The following ADD3 variants were observed in gnomAD, a reference collection of about 807,000 sequenced individuals.
The protein encoded by ADD3 is adducin 3.
ADD3 carries 25 observed loss-of-function variants against 80.2 expected under a neutral mutation model. That is an observed-to-expected ratio of 0.31 (90% CI 0.23 to 0.44). ADD3 has a LOEUF of 0.44. Ranked by LOEUF, ADD3 falls within the 20% of genes least tolerant of loss-of-function variation. The probability of loss-of-function intolerance (pLI) is 1.00; values close to 1 mark genes in which losing one functional copy is unlikely to be tolerated. For missense variants in ADD3, 829 were observed against 847.5 expected (o/e 0.98, Z 0.27); for synonymous variants, 284 against 289.6 (o/e 0.98, Z 0.20).
rs1590158536 is a variant in ADD3, at chr10:110,108,924, G to A, written c.196-3853G>A. 5.3e-5 allele frequency among the ~76,000 whole-genome samples: 8 copies of A among 152,210 alleles called. 2 individuals carry two copies. The highest frequency in any genetic ancestry group is 5.2e-4 in the Admixed American group (8 of 15,290). ...GTAGAAGCTATTCGTCAGCTTTAAA[G>A]GAGACATTCGTATTTTCCCTCTTAC... On this transcript the variant is annotated intron_variant, in intron 2 of 14. Coordinates refer to ENST00000356080, the MANE Select transcript of ADD3 (RefSeq NM_016824.5).
intron 1 of ADD3, among the ~76,000 whole-genome samples, chr10:110,066,215 T>C (rs1332503185): frequency 6.6e-6 from 1 of 152,164 alleles, no homozygotes; most frequent in African/African-American, 2.4e-5. Context: ...TTCAGCGTTC[T>C]GGAAAAGACA....
intron 1 of ADD3, among the ~76,000 whole-genome samples, chr10:110,062,108 A>G (rs1178808587): frequency 6.9e-6 from 1 of 144,444 alleles, no homozygotes; most frequent in Admixed American, 7.4e-5. Flanking sequence ...CACGCCTGTA[A>G]TCCCAGCACT....
chr10:110,113,609 G>A (rs1383529826), intron 3 of ADD3, among the ~76,000 whole-genome samples: 1 of 152,186 alleles, frequency 6.6e-6, no homozygotes, highest in Non-Finnish European at 1.5e-5. Flanking sequence ...TGATTTTAAT[G>A]TGGCTGGATA....
chr10:110,079,478 G>T (rs1342087438), intron 1 of ADD3, among the ~76,000 whole-genome samples: 1 of 150,762 alleles, frequency 6.6e-6, no homozygotes, highest in Non-Finnish European at 1.5e-5. Context: ...GTGTGTGTGT[G>T]TGTGTGTGTG....
In ADD3 at chr10:110,068,294, C is replaced by G. The variant is rs915230735; in HGVS notation, c.-29-32331C>G. 8.0e-4 allele frequency among the ~76,000 whole-genome samples: 122 copies of G among 152,298 alleles called. 1 individual carries two copies. Among genetic ancestry groups the G allele is most frequent in the Admixed American group, 7.7e-3 (118 of 15,298 alleles). On this transcript the variant is annotated intron_variant, in intron 1 of 14. Transcript: ENST00000356080. ...TGTCATGAGCTTTTCCACCTCCCCC[C>G]CTCCTTTCTCTGAATCTTCTGAGGA...
chr10:110,025,709 A>G (rs144076257), intron 1 of ADD3, among the ~76,000 whole-genome samples: 43 of 152,280 alleles, frequency 2.8e-4, no homozygotes, highest in African/African-American at 9.9e-4. Flanking sequence ...TGGCAGATCT[A>G]GACTCAAAAC....
At chr10:110,022,404 G>A (rs535374616) in intron 1 of ADD3, among the ~76,000 whole-genome samples, 3 of 151,896 alleles carry the variant, frequency 2.0e-5, no homozygotes, top group Admixed American at 6.5e-5. Context: ...GATGATACTG[G>A]GTTGGCTAAA....
At chr10:110,123,756 T>G in intron 9 of ADD3, 1 of 428,922 alleles carries the variant, frequency 2.3e-6, no homozygotes, top group East Asian at 4.2e-5. Context: ...GGTCAGCAAC[T>G]TAGAACTGTT....
chr10:110,022,329 A>G (rs74154962), intron 1 of ADD3, among the ~76,000 whole-genome samples: 1,609 of 152,230 alleles, frequency 0.011, 32 homozygotes, highest in African/African-American at 0.037. Flanking sequence ...CCAATTCCCA[A>G]TAATTTTTTT....
intron 1 of ADD3, among the ~76,000 whole-genome samples, chr10:110,054,789 T>C (rs35607979): frequency 0.17 from 26,412 of 151,856 alleles, 3,216 homozygotes; most frequent in Admixed American, 0.39. Flanking sequence ...AATTTTTTTG[T>C]ATTTTTAGTA....
intron 1 of ADD3, among the ~76,000 whole-genome samples, chr10:110,041,773 A>G (rs1044154469): frequency 1.3e-5 from 2 of 152,338 alleles, no homozygotes; most frequent in South Asian, 2.1e-4. Context: ...TGAATCAACA[A>G]GAAGTTACTT....
chr10:110,036,875 G>C (rs566594766), intron 1 of ADD3, among the ~76,000 whole-genome samples: 1 of 152,132 alleles, frequency 6.6e-6, no homozygotes, highest in African/African-American at 2.4e-5. Context: ...ATTAGGTGAG[G>C]AGAAAGATCT....
At chr10:110,127,325 T>C (rs1852300811) in intron 12 of ADD3, among the ~76,000 whole-genome samples, 3 of 152,140 alleles carry the variant, frequency 2.0e-5, no homozygotes, top group Admixed American at 6.5e-5. Flanking sequence ...TTTAAAAGAA[T>C]TATAAAGTCC....
At chr10:110,036,232 C>T (rs772189604) in intron 1 of ADD3, among the ~76,000 whole-genome samples, 2 of 152,090 alleles carry the variant, frequency 1.3e-5, no homozygotes, top group Non-Finnish European at 2.9e-5. Flanking sequence ...ATATTGGTTT[C>T]ATCTATAGTG....
intron 1 of ADD3, among the ~76,000 whole-genome samples, chr10:110,065,541 T>C (rs1843821459): frequency 1.3e-5 from 1 of 76,174 alleles, no homozygotes; most frequent in African/African-American, 4.8e-5. Context: ...TCTCTCCCCT[T>C]TTTTTTTTTT....
At chr10:110,117,612 T>G (rs1177603675) in intron 5 of ADD3, among the ~76,000 whole-genome samples, 190 bp downstream of exon 5, 4 of 151,868 alleles carry the variant, frequency 2.6e-5, no homozygotes, top group Non-Finnish European at 4.4e-5. Context: ...AAGAGACTAA[T>G]AAATGAGTTG....
chr10:110,118,772 G>A, intron 6 of ADD3, 36 bp downstream of exon 6: 1 of 1,596,218 alleles, frequency 6.3e-7, no homozygotes, highest in Non-Finnish European at 8.6e-7. Context: ...ACAGGACGCT[G>A]GAAGATGTAT....
rs980076429 is a variant in ADD3, at chr10:110,025,479, G to C, written c.-30+17180G>C. 2.0e-5 allele frequency among the ~76,000 whole-genome samples: 3 copies of C among 152,238 alleles called. No individual in the cohort carries two copies. The East Asian group carries it at 5.8e-4, about 29-fold the overall frequency. On this transcript the variant is annotated intron_variant, in intron 1 of 14. Coordinates refer to ENST00000356080, the MANE Select transcript of ADD3 (RefSeq NM_016824.5). ...AAGTAAGGGGTCTCTAGGCTTGCAA[G>C]TTTCTTCAGATGCTAAAATTATGCC...
intron 1 of ADD3, among the ~76,000 whole-genome samples, chr10:110,048,561 T>C (rs1857150946): frequency 6.6e-6 from 1 of 151,712 alleles, no homozygotes; most frequent in Non-Finnish European, 1.5e-5. Flanking sequence ...AGATGGAGAT[T>C]AGGAACTTGG....
Sources: allele counts gnomAD v4.1 joint callset (sites outside exome capture counted in the v4.1 genomes callset), GRCh38; gene constraint gnomAD v4.1.1; transcripts MANE v1.5; gene names NCBI Gene and HGNC (gene_info 2026-07-23, HGNC 2026-07-21).